METTL15: variants seen among roughly 807,000 people sequenced by gnomAD.
The protein encoded by METTL15 is 12S rRNA N(4)-cytidine methyltransferase METTL15.
In METTL15, 34 loss-of-function variants were observed where a neutral mutation model predicts 38.3. That is an observed-to-expected ratio of 0.89 (90% CI 0.68 to 1.18). The LOEUF is 1.18. METTL15 is among the 50% of genes most tolerant of loss of function. The probability of loss-of-function intolerance (pLI) is 0.00; values close to 1 mark genes in which losing one functional copy is unlikely to be tolerated. For missense variants in METTL15, 438 were observed against 498.4 expected, an observed-to-expected ratio of 0.88 and a Z score of 1.15; for synonymous variants, 162 against 170.9, an observed-to-expected ratio of 0.95 and a Z score of 0.41.
chr11:28,175,829 G>T (rs1044094611), intron 3 of METTL15, among the ~76,000 whole-genome samples: 1 of 151,940 alleles, frequency 6.6e-6, no homozygotes, highest in African/African-American at 2.4e-5. Flanking sequence ...CTGTAATTCT[G>T]CTCTGCTCTT....
At chr11:28,490,981 G>A (rs1851489643) in intron 6 of METTL15, among the ~76,000 whole-genome samples, 1 of 152,154 alleles carries the variant, frequency 6.6e-6, no homozygotes, top group Admixed American at 6.5e-5. Context: ...CACTGTCTAA[G>A]TTTAGCAAAA....
chr11:28,319,406 A>G (rs941957549), intron 6 of METTL15, among the ~76,000 whole-genome samples: 2 of 152,018 alleles, frequency 1.3e-5, no homozygotes, highest in East Asian at 1.9e-4. Flanking sequence ...GCTCAACAAC[A>G]TTCTTAGGAC....
chr11:28,454,297 A>G (rs1293106949), intron 6 of METTL15, among the ~76,000 whole-genome samples: 1 of 152,184 alleles, frequency 6.6e-6, no homozygotes, highest in African/African-American at 2.4e-5. Context: ...GGGATCTTGG[A>G]ATTAAGGAGT....
At chr11:28,205,621 C>G (rs925705603) in intron 3 of METTL15, among the ~76,000 whole-genome samples, 10 of 151,940 alleles carry the variant, frequency 6.6e-5, no homozygotes, top group Non-Finnish European at 1.5e-4. Flanking sequence ...GGTATATACC[C>G]AGTAATGGGA....
intron 3 of METTL15, among the ~76,000 whole-genome samples, chr11:28,347,580 C>T (rs1850006493): frequency 6.6e-6 from 1 of 152,168 alleles, no homozygotes; most frequent in African/African-American, 2.4e-5. Flanking sequence ...TTTCCAATTC[C>T]TTCAGGATTA....
chr11:28,323,205 CT>C (rs1021534573), intron 6 of METTL15, among the ~76,000 whole-genome samples: 2 of 149,044 alleles, frequency 1.3e-5, no homozygotes, highest in East Asian at 2.0e-4. Flanking sequence ...TTTTTCTTTT[CT>C]TTTTTTTAAC....
intron 5 of METTL15, among the ~76,000 whole-genome samples, chr11:28,391,709 T>A (rs2133394378): frequency 6.6e-6 from 1 of 152,208 alleles, no homozygotes; most frequent in South Asian, 2.1e-4. Context: ...AAACAAGAAA[T>A]GGGGAAAGGA....
intron 5 of METTL15, among the ~76,000 whole-genome samples, chr11:28,392,381 G>A (rs1281247271): frequency 6.6e-6 from 1 of 152,002 alleles, no homozygotes; most frequent in Non-Finnish European, 1.5e-5. Context: ...TTGGTATAAG[G>A]ACAGACATAT....
intron 3 of METTL15, among the ~76,000 whole-genome samples, chr11:28,162,334 CAG>C (rs1439166039): frequency 2.0e-5 from 3 of 151,974 alleles, no homozygotes; most frequent in East Asian, 3.9e-4. Context: ...GGCTAAGAAA[CAG>C]AGTATGGTAG....
At chr11:28,419,841 G>A (rs1850804908) in intron 5 of METTL15, among the ~76,000 whole-genome samples, 1 of 152,066 alleles carries the variant, frequency 6.6e-6, no homozygotes, top group African/African-American at 2.4e-5. Context: ...AAGGAATCAA[G>A]CAGAAATTCT....
intron 5 of METTL15, among the ~76,000 whole-genome samples, chr11:28,379,052 G>A (rs1362491686): frequency 6.6e-6 from 1 of 151,752 alleles, no homozygotes; most frequent in South Asian, 2.1e-4. Flanking sequence ...TATTTCTGTG[G>A]TTCCAGTGGT....
chr11:28,432,924 T>TC (rs1314303296), intron 6 of METTL15, among the ~76,000 whole-genome samples: 1 of 66,300 alleles, frequency 1.5e-5, no homozygotes, highest in Non-Finnish European at 2.8e-5. Flanking sequence ...CTCCTTTTTT[T>TC]CCACATTTTT....
chr11:28,228,189 GT>G (rs1565184682), intron 4 of METTL15, among the ~76,000 whole-genome samples: 1 of 151,802 alleles, frequency 6.6e-6, no homozygotes. Context: ...CCTCCCTTGT[GT>G]GTAATCAGTA....
At chr11:28,504,458 T>C (rs1287348638) in intron 6 of METTL15, among the ~76,000 whole-genome samples, 3 of 152,196 alleles carry the variant, frequency 2.0e-5, no homozygotes, top group African/African-American at 7.2e-5. Flanking sequence ...TAAAAAGCCA[T>C]TAGAAATCTG....
At chr11:28,147,218 A>T (rs1471000109) in intron 3 of METTL15, among the ~76,000 whole-genome samples, 2 of 151,890 alleles carry the variant, frequency 1.3e-5, no homozygotes, top group Non-Finnish European at 2.9e-5. Flanking sequence ...TCAAATGTGA[A>T]TCTTGAAGCC....
At chr11:28,115,935 T>TAC (rs112533269) in intron 3 of METTL15, among the ~76,000 whole-genome samples, 85,754 of 142,246 alleles carry the variant, frequency 0.6, 25,598 homozygotes, top group Admixed American at 0.72. Flanking sequence ...CACATACACA[T>TAC]ACACACACAC....
chr11:28,392,867 G>C (rs1590358805), intron 5 of METTL15, among the ~76,000 whole-genome samples: 1 of 151,976 alleles, frequency 6.6e-6, no homozygotes, highest in African/African-American at 2.4e-5. Context: ...TTTCTCCAAA[G>C]AAGATATACA....
At position 28,342,380 on chromosome 11, in the gene METTL15, G is replaced by A. The variant is rs192804680; in HGVS notation, c.*190-9710G>A. On this transcript the variant is annotated intron_variant and NMD_transcript_variant, in intron 3 of 7. Transcript: ENST00000532947. ...CAGGTTCAAGTGGTCCTCCCATCTCGGCCTCCCGAGTAGCTGGGACCACAG... is the reference window on the plus strand; with the variant it reads ...CAGGTTCAAGTGGTCCTCCCATCTCAGCCTCCCGAGTAGCTGGGACCACAG... 1.7e-4 allele frequency among the ~76,000 whole-genome samples: 26 copies of A among 151,520 alleles called. No homozygotes were observed. In the East Asian group the frequency reaches 3.3e-3, roughly 19 times the overall value.
chr11:28,501,699 G>A (rs1220132566), intron 6 of METTL15, among the ~76,000 whole-genome samples: 5 of 152,092 alleles, frequency 3.3e-5, no homozygotes, highest in Non-Finnish European at 7.4e-5. Flanking sequence ...AGAACTCTCA[G>A]GAGTAAGACC....
Sources: allele counts gnomAD v4.1 joint callset (sites outside exome capture counted in the v4.1 genomes callset), GRCh38; gene constraint gnomAD v4.1.1; transcripts MANE v1.5; gene names NCBI Gene and HGNC (gene_info 2026-07-23, HGNC 2026-07-21).